Variants in DHODH observed in about 807,000 individuals in gnomAD.
The protein encoded by DHODH is dihydroorotate dehydrogenase (quinone), mitochondrial.
DHODH carries 30 observed loss-of-function variants against 39.7 expected under a neutral mutation model. The ratio of observed to expected loss-of-function variants is 0.76; its 90% CI spans 0.57 to 1.02. The LOEUF (loss-of-function observed/expected upper bound fraction) is 1.02. Ranked by LOEUF, DHODH falls within the 50% of genes least tolerant of loss-of-function variation. DHODH has a pLI of 0.00. For missense variants in DHODH, 531 were observed against 520.8 expected (o/e 1.02, Z -0.19); for synonymous variants, 222 against 213.8 (o/e 1.04, Z -0.34).
rs967896981 is a variant in DHODH at position 72,015,986 on chromosome 16, T to C, written c.435-1038T>C. ...TGGCTTAAACAACAGGCACATTTGA[T>C]ATTATTTTCTTCTCATAACAGGTGC... On this transcript the variant is annotated intron_variant, in intron 3 of 8. Transcript: ENST00000219240. 4 of 526,942 alleles carry C rather than the reference T, an allele frequency of 7.6e-6. No individual in the cohort carries two copies. The African/African-American group carries it at 8.2e-5, about 11-fold the overall frequency. The allele number at this position is 526,942 out of a possible 1,614,324, so 32.6% of individuals were successfully genotyped here. A position where few individuals can be genotyped will look rare whatever the true frequency, so the allele number is the denominator to read the frequency against.
Position 72,021,108 on chromosome 16 carries a change from C to A in DHODH, c.518-16C>A, listed in dbSNP as rs1280134043. The A allele has an allele frequency of 1.3e-6, 2 of 1,596,378 alleles. No homozygotes were observed. Among genetic ancestry groups the A allele is most frequent in the Non-Finnish European group, 1.7e-6 (2 of 1,171,152 alleles). On this transcript the variant is annotated splice_polypyrimidine_tract_variant and intron_variant, in intron 4 of 8. Transcript: ENST00000219240. The stretch of plus-strand genomic sequence containing the variant: ...AAGGGTGTGCGGGGTGCAGGCCTGA[C>A]CAGCGATGTTTGCAGATGGACTGCC...
chr16:72,021,155 G>A lies in DHODH; in HGVS notation c.549G>A (p.Lys183=). The A allele has an allele frequency of 6.2e-7, 1 of 1,609,438 alleles. No homozygotes were observed. Among genetic ancestry groups the A allele is most frequent in the Non-Finnish European group, 8.5e-7 (1 of 1,177,956 alleles). ...TGCCTCTGGGGGTCAACTTGGGGAA[G>A]AACAAGACCTCAGTGGACGCCGCGG... The part of the protein sequence containing the change: ...DGLPLGVNLG[K]NKTSVDAAED... Residue 183 remains lysine (K), a synonymous_variant, in exon 5 of 9, where the codon AAG becomes AAA. Coordinates refer to ENST00000219240, the MANE Select transcript of DHODH (RefSeq NM_001361.5).
chr16:72,023,724 TATTC>T, intron 8 of DHODH, 91 bp downstream of exon 8: 1 of 1,573,518 alleles, frequency 6.4e-7, no homozygotes, highest in Non-Finnish European at 8.6e-7. Context: ...ATCTGTTTCT[TATTC>T]ATTCAAAAAG....
chr16:72,008,770 G>T lies in DHODH; in HGVS notation c.6G>T (p.Ala2=), dbSNP rs771428943. Reference sequence around the variant, plus strand: ...GGCTTAATGACGGAAGGAGCATGGCGTGGAGACACCTGAAAGTGAGTCCCG... The same window carrying T: ...GGCTTAATGACGGAAGGAGCATGGCTTGGAGACACCTGAAAGTGAGTCCCG... M[A]WRHLKKRAQD... is the part of the protein sequence containing the mutation. The change falls in exon 1 of 9, where the codon GCG becomes GCT. Residue 2 remains alanine, a synonymous_variant. Coordinates refer to ENST00000219240, the MANE Select transcript of DHODH (RefSeq NM_001361.5). The T allele has an allele frequency of 1.3e-6, 2 of 1,551,672 alleles. No homozygotes were observed. Among genetic ancestry groups the T allele is most frequent in the Admixed American group, 3.9e-5 (2 of 50,996 alleles).
chr16:72,023,770 A>C (rs1161416586), intron 8 of DHODH, 137 bp downstream of exon 8: 1 of 1,259,878 alleles, frequency 7.9e-7, no homozygotes, highest in East Asian at 2.5e-5. Context: ...AGGGGAGAGA[A>C]ATTCTGGGTT....
intron 3 of DHODH, chr16:72,016,703 G>C: frequency 5.3e-6 from 2 of 376,716 alleles, no homozygotes; most frequent in Non-Finnish European, 1.0e-5. Context: ...TGGGAGCCCA[G>C]GCAGAAGGTG....
chr16:72,021,591 C>T (rs1289424491), intron 5 of DHODH, among the ~76,000 whole-genome samples: 1 of 152,208 alleles, frequency 6.6e-6, no homozygotes, highest in Non-Finnish European at 1.5e-5. Context: ...GACCCTAGCG[C>T]CCAGAGCTCT....
intron 5 of DHODH, 100 bp from the exon 6 acceptor site, chr16:72,022,262 A>T (rs1597397683): frequency 1.2e-6 from 1 of 835,060 alleles, no homozygotes; most frequent in South Asian, 1.4e-5. Flanking sequence ...CTTTAGTTTG[A>T]TCGCTATTGT....
intron 4 of DHODH, chr16:72,020,329 G>GTATGTATATATA (rs1555530876): frequency 2.0e-4 from 20 of 102,182 alleles, no homozygotes; most frequent in African/African-American, 9.0e-4. Context: ...ATGTATATGT[G>GTATGTATATATA]TATATATATA....
At chr16:72,015,875 CACTT>C in intron 3 of DHODH, 1 of 985,354 alleles carries the variant, frequency 1.0e-6, no homozygotes. Flanking sequence ...GTGTAGTAAA[CACTT>C]AATGAATGGG....
In DHODH at chr16:72,012,165, A is replaced by G; in HGVS notation, c.137A>G (p.Gln46Arg). 2.5e-6 allele frequency: 4 copies of G among 1,614,064 alleles called. No homozygotes were observed. Among genetic ancestry groups the G allele is most frequent in the Non-Finnish European group, 3.4e-6 (4 of 1,179,982 alleles). Residue 46 changes from glutamine (Q) to arginine (R), a missense_variant, in exon 2 of 9, where the codon CAG becomes CGG. Transcript: ENST00000219240. ...GCTGAACACCTGATGCCGACTCTGCAGGGGCTGCTGGACCCGGAGTCAGCC... is the reference window on the plus strand; with the variant it reads ...GCTGAACACCTGATGCCGACTCTGCGGGGGCTGCTGGACCCGGAGTCAGCC... ...FYAEHLMPTLQGLLDPESAHR... is the reference protein window; with the variant it reads ...FYAEHLMPTLRGLLDPESAHR...
At position 72,021,211 on chromosome 16, in the gene DHODH, G is replaced by GC. The variant is rs1053297105; in HGVS notation, c.610dup (p.Leu204ProfsTer55). 17 of 1,611,546 alleles carry GC rather than the reference G, an allele frequency of 1.1e-5. No individual in the cohort carries two copies. The highest frequency in any genetic ancestry group is 2.7e-5 in the African/African-American group (2 of 74,892). ...TACGCAGAAGGGGTGCGCGTACTGG[G>GC]CCCCCTGGCCGACTACCTGGTGGTG... is the stretch of plus-strand genomic sequence containing the variant. On this transcript the variant is annotated frameshift_variant, in exon 5 of 9. Transcript: ENST00000219240. LOFTEE classifies it high-confidence loss of function.
At position 72,014,627 on chromosome 16, in the gene DHODH, G is replaced by A; in HGVS notation, c.389G>A (p.Arg130Lys). ...CCAAAACCTCAGGAAGGAAACCCTAGACCCAGAGTCTTCCGCCTCCCTGAG... is the reference window on the plus strand; with the variant it reads ...CCAAAACCTCAGGAAGGAAACCCTAAACCCAGAGTCTTCCGCCTCCCTGAG... ...VTPKPQEGNP[R>K]PRVFRLPEDQ... is the part of the protein sequence containing the mutation. The change falls in exon 3 of 9, where the codon AGA becomes AAA. Residue 130 changes from arginine (R) to lysine (K), a missense_variant. Coordinates refer to ENST00000219240, the MANE Select transcript of DHODH (RefSeq NM_001361.5). The A allele has an allele frequency of 6.2e-7, 1 of 1,614,170 alleles. No homozygotes were observed. The highest frequency in any genetic ancestry group is 8.5e-7 in the Non-Finnish European group (1 of 1,180,032).
chr16:72,023,742 T>C, intron 8 of DHODH, 109 bp downstream of exon 8: 1 of 1,490,604 alleles, frequency 6.7e-7, no homozygotes, highest in Non-Finnish European at 9.2e-7. Flanking sequence ...CAAAAAGGAG[T>C]TGAGGGGTAC....
chr16:72,019,014 G>A (rs892462262), intron 4 of DHODH, among the ~76,000 whole-genome samples: 4 of 152,206 alleles, frequency 2.6e-5, no homozygotes, highest in African/African-American at 4.8e-5. Flanking sequence ...AGGCAACAGT[G>A]GTGCAATCTC....
chr16:72,020,359 ATATATATATATATTT>A (rs2041196762), intron 4 of DHODH: 17 of 69,086 alleles, frequency 2.5e-4, no homozygotes, highest in East Asian at 2.9e-4. Flanking sequence ...ATATATGTGT[ATATATATATATATTT>A]TTTTTTTTTT....
At chr16:72,018,630 A>G (rs2041170547) in intron 4 of DHODH, among the ~76,000 whole-genome samples, 3 of 152,252 alleles carry the variant, frequency 2.0e-5, no homozygotes, top group African/African-American at 7.2e-5. Flanking sequence ...TACGGAGTGA[A>G]GCGGAGCCTG....
chr16:72,024,283 C>A lies in DHODH; in HGVS notation c.*84C>A. The A allele has an allele frequency of 1.4e-6, 2 of 1,470,788 alleles. No homozygotes were observed. Among genetic ancestry groups the A allele is most frequent in the Non-Finnish European group, 1.9e-6 (2 of 1,053,738 alleles). 91.1% of individuals were successfully genotyped at this position (1,470,788 alleles called of 1,614,324 possible). A position where few individuals can be genotyped will look rare whatever the true frequency, so the allele number is the denominator to read the frequency against. ...TGTGGCTGGATCATGAGAGGAGGGA[C>A]TCCATCTTGAGCCATGTCCCCCAGC... On this transcript the variant is annotated 3_prime_UTR_variant, in exon 9 of 9. Coordinates refer to ENST00000219240, the MANE Select transcript of DHODH (RefSeq NM_001361.5).
At position 72,021,185 on chromosome 16, in the gene DHODH, C is replaced by T. The variant is rs1257428280; in HGVS notation, c.579C>T (p.Asp193=). Residue 193 remains aspartate (D), a synonymous_variant, in exon 5 of 9, where the codon GAC becomes GAT. Coordinates refer to ENST00000219240, the MANE Select transcript of DHODH (RefSeq NM_001361.5). ...KNKTSVDAAE[D]YAEGVRVLGP... ...AGACCTCAGTGGACGCCGCGGAGGA[C>T]TACGCAGAAGGGGTGCGCGTACTGG... The T allele has an allele frequency of 6.2e-7, 1 of 1,610,350 alleles. No homozygotes were observed. Among genetic ancestry groups the T allele is most frequent in the Non-Finnish European group, 8.5e-7 (1 of 1,178,452 alleles).
Sources: gnomAD v4.1 joint callset for allele counts (sites outside exome capture counted in the v4.1 genomes callset) on GRCh38, gnomAD v4.1.1 for gene constraint, MANE v1.5 for transcripts, NCBI Gene and HGNC (gene_info 2026-07-23, HGNC 2026-07-21) for gene names.